Variants in SEPHS1 observed in about 807,000 individuals in gnomAD.
The protein encoded by SEPHS1 is zincore component SEPHS1.
SEPHS1 carries 7 observed loss-of-function variants against 39.2 expected under a neutral mutation model. The observed-to-expected ratio is 0.18, with a 90% CI of 0.10 to 0.34. The LOEUF (loss-of-function observed/expected upper bound fraction) is 0.34, where lower values mean the gene tolerates loss of function less well. Ranked by LOEUF, SEPHS1 falls within the 10% of genes least tolerant of loss-of-function variation. The pLI, the probability that SEPHS1 is intolerant of heterozygous loss-of-function variation, is 1.00. For synonymous variants in SEPHS1, 190 were observed against 195.5 expected (o/e 0.97, Z 0.23); for missense variants, 253 against 514.5 (o/e 0.49, Z 4.92).
chr10:13,340,406 C>T (rs3802584), intron 2 of SEPHS1, among the ~76,000 whole-genome samples: 5,322 of 152,240 alleles, frequency 0.035, 133 homozygotes, highest in East Asian at 0.082. Flanking sequence ...AGATAATTCA[C>T]GTAAACAGCC....
At chr10:13,335,438 G>C (rs1006195671) in intron 4 of SEPHS1, among the ~76,000 whole-genome samples, 5 of 152,008 alleles carry the variant, frequency 3.3e-5, no homozygotes, top group African/African-American at 4.8e-5. Context: ...GGCCGAAGTG[G>C]GTGGATCACG....
At chr10:13,346,097 T>A (rs1833914994) in intron 1 of SEPHS1, among the ~76,000 whole-genome samples, 2 of 152,290 alleles carry the variant, frequency 1.3e-5, no homozygotes, top group South Asian at 4.2e-4. Context: ...AATATGCTAC[T>A]CCTCATTAAC....
chr10:13,331,810 C>G (rs1588539935), intron 5 of SEPHS1, among the ~76,000 whole-genome samples: 1 of 152,242 alleles, frequency 6.6e-6, no homozygotes, highest in African/African-American at 2.4e-5. Flanking sequence ...CCTCATCAGT[C>G]ATCAGGCAGA....
At chr10:13,347,962 A>C (rs1318342385) in intron 1 of SEPHS1, 38 bp downstream of exon 1, 2 of 146,078 alleles carry the variant, frequency 1.4e-5, no homozygotes, top group Non-Finnish European at 3.0e-5. Flanking sequence ...TTCCCCTTTA[A>C]GCCTGCGCCT....
At chr10:13,324,382 ATGC>A (rs1328575513) in intron 7 of SEPHS1, among the ~76,000 whole-genome samples, 1 of 152,246 alleles carries the variant, frequency 6.6e-6, no homozygotes, top group East Asian at 1.9e-4. Flanking sequence ...ATTATGAATA[ATGC>A]TGCTATGAAC....
chr10:13,323,168 A>G, intron 7 of SEPHS1, 121 bp from the exon 8 acceptor site: 1 of 794,416 alleles, frequency 1.3e-6, no homozygotes. Flanking sequence ...GAATAATGAA[A>G]ACGCAATGTA....
At chr10:13,330,906 T>A (rs1438016596) in intron 5 of SEPHS1, among the ~76,000 whole-genome samples, 2 of 152,136 alleles carry the variant, frequency 1.3e-5, no homozygotes, top group Admixed American at 6.6e-5. Context: ...TACATAGGTA[T>A]ACATGTGCCA....
At chr10:13,320,796 C>A (rs1833088081) in intron 8 of SEPHS1, among the ~76,000 whole-genome samples, 1 of 152,040 alleles carries the variant, frequency 6.6e-6, no homozygotes, top group Non-Finnish European at 1.5e-5. Context: ...CCATTGCACT[C>A]CAGCCTGGGT....
chr10:13,319,023 C>G lies in SEPHS1; in HGVS notation c.*119G>C, dbSNP rs1188839953. 1.0e-6 allele frequency: 1 copy of G among 990,846 alleles called. No individual in the cohort carries two copies. The highest frequency in any genetic ancestry group is 1.5e-6 in the Non-Finnish European group (1 of 651,942). 61.4% of individuals were successfully genotyped at this position (990,846 alleles called of 1,614,324 possible). Reference sequence around the variant, plus strand: ...TTAATTGTATCCACTTACAAACCGACCTAAGGTCACCCCGATGTGTAGACA... The same window carrying G: ...TTAATTGTATCCACTTACAAACCGAGCTAAGGTCACCCCGATGTGTAGACA... On this transcript the variant is annotated 3_prime_UTR_variant, in exon 9 of 9. Transcript: ENST00000327347.
chr10:13,338,079 G>A (rs75863766), intron 3 of SEPHS1, among the ~76,000 whole-genome samples: 13,428 of 152,164 alleles, frequency 0.088, 1,906 homozygotes, highest in African/African-American at 0.3. Flanking sequence ...CTGCAACTAC[G>A]CAGTAAACAA....
intron 3 of SEPHS1, among the ~76,000 whole-genome samples, chr10:13,337,062 A>T (rs891929180): frequency 6.6e-6 from 1 of 152,156 alleles, no homozygotes; most frequent in Non-Finnish European, 1.5e-5. Context: ...GAGGCATGAG[A>T]ATTGCTTGAA....
At chr10:13,338,441 C>G (rs1212778172) in intron 3 of SEPHS1, among the ~76,000 whole-genome samples, 5 of 152,168 alleles carry the variant, frequency 3.3e-5, no homozygotes, top group African/African-American at 1.2e-4. Flanking sequence ...AAGAGGTGTT[C>G]TTACTCACAG....
At position 13,328,432 on chromosome 10, in the gene SEPHS1, T is replaced by C. The variant is rs1208158290; in HGVS notation, c.670A>G (p.Ile224Val). ...WLDIPEKWNKIKLVVTQEDVE... is the reference protein window; with the variant it reads ...WLDIPEKWNKVKLVVTQEDVE... ...TCTTCTTGGGTGACCACTAGTTTAA[T>C]CTTATTCCATTTCTCAGGCTGATAA... Residue 224 changes from isoleucine to valine, a missense_variant, in exon 7 of 9, where the codon ATT becomes GTT. Ile to Val is a conservative substitution (Grantham distance 29). Transcript: ENST00000327347. 1.9e-6 allele frequency: 3 copies of C among 1,611,044 alleles called. No homozygotes were observed. The highest frequency in any genetic ancestry group is 2.5e-6 in the Non-Finnish European group (3 of 1,177,514).
At chr10:13,347,780 C>CG (rs1554791947) in intron 1 of SEPHS1, among the ~76,000 whole-genome samples, 1 of 138,388 alleles carries the variant, frequency 7.2e-6, no homozygotes, top group Non-Finnish European at 1.6e-5. Context: ...CCCGGCCCCG[C>CG]GCGGCGGCGG....
intron 1 of SEPHS1, among the ~76,000 whole-genome samples, chr10:13,345,812 G>A (rs1450220948): frequency 6.6e-6 from 1 of 152,244 alleles, no homozygotes; most frequent in Non-Finnish European, 1.5e-5. Flanking sequence ...GGGAGGCGGA[G>A]GTTGCAGTGA....
chr10:13,334,860 G>A (rs1564449446), intron 4 of SEPHS1, among the ~76,000 whole-genome samples: 1 of 152,226 alleles, frequency 6.6e-6, no homozygotes, highest in Non-Finnish European at 1.5e-5. Flanking sequence ...TAGGTCTGAT[G>A]ACTGCTGGAA....
At chr10:13,322,022 C>A in intron 8 of SEPHS1, 1 of 454,690 alleles carries the variant, frequency 2.2e-6, no homozygotes, top group Non-Finnish European at 4.4e-6. Context: ...CTCCATCTCC[C>A]GTTTATCCTC....
intron 2 of SEPHS1, among the ~76,000 whole-genome samples, chr10:13,341,165 T>A (rs748216940): frequency 4.6e-5 from 7 of 152,094 alleles, no homozygotes; most frequent in Non-Finnish European, 1.0e-4. Flanking sequence ...AAATCACCAA[T>A]CACATTTCAA....
chr10:13,328,722 C>T (rs917564297), intron 6 of SEPHS1, among the ~76,000 whole-genome samples: 8 of 152,252 alleles, frequency 5.3e-5, no homozygotes, highest in South Asian at 4.1e-4. Flanking sequence ...GGACACACGG[C>T]GGCACTGCTG....
Sources: gnomAD v4.1 joint callset for allele counts (sites outside exome capture counted in the v4.1 genomes callset) on GRCh38, gnomAD v4.1.1 for gene constraint, MANE v1.5 for transcripts, NCBI Gene and HGNC (gene_info 2026-07-23, HGNC 2026-07-21) for gene names.